Variants in WWOX observed in about 807,000 individuals in gnomAD.
WWOX encodes the protein WW domain-containing oxidoreductase.
In WWOX, 69 loss-of-function variants were observed where a neutral mutation model predicts 46.2. That is an observed-to-expected ratio of 1.49 (90% confidence interval 1.23 to 1.82). WWOX has a LOEUF of 1.82. WWOX is among the 40% of genes most tolerant of loss of function. WWOX has a pLI of 0.00. For synonymous variants in WWOX, 359 were observed against 202.6 expected (o/e 1.77, Z -6.56); for missense variants, 919 against 542.6 (o/e 1.69, Z -6.89).
chr16:78,628,745 T>A (rs1314583818), intron 8 of WWOX, among the ~76,000 whole-genome samples: 1 of 152,172 alleles, frequency 6.6e-6, no homozygotes, highest in Non-Finnish European at 1.5e-5. Flanking sequence ...AATTTCTTGC[T>A]TTCAAATGAA....
Position 78,571,676 on chromosome 16 carries a change from C to G in WWOX, c.1056+138924C>G, listed in dbSNP as rs573131456. Among the ~76,000 whole-genome samples the G allele has an allele frequency of 1.2e-3, 183 of 152,246 alleles. 2 individuals carry two copies. Among genetic ancestry groups the G allele is most frequent in the African/African-American group, 4.2e-3 (173 of 41,538 alleles). ...TTGAGGTCAGAAGCTCCAGACCAGC[C>G]TGGCCAACATGGTGAAACCCCTTCT... On this transcript the variant is annotated intron_variant, in intron 8 of 8. Transcript: ENST00000566780.
chr16:79,132,505 T>C (rs1055523237), intron 8 of WWOX, among the ~76,000 whole-genome samples: 13 of 152,254 alleles, frequency 8.5e-5, no homozygotes, highest in Middle Eastern at 6.8e-3. Context: ...TTTCAGATGA[T>C]TGGGAGGTAG....
intron 7 of WWOX, among the ~76,000 whole-genome samples, chr16:78,426,422 G>A (rs1300919126): frequency 1.3e-5 from 2 of 152,144 alleles, no homozygotes; most frequent in Non-Finnish European, 2.9e-5. Context: ...TATCTCAAAT[G>A]GTATTTCGTG....
At chr16:78,390,762 C>T (rs1421412001) in intron 6 of WWOX, among the ~76,000 whole-genome samples, 1 of 152,156 alleles carries the variant, frequency 6.6e-6, no homozygotes, top group Admixed American at 6.5e-5. Context: ...CACCCCCCAT[C>T]TTCAGACATT....
At chr16:78,647,105 A>C (rs530486629) in intron 8 of WWOX, among the ~76,000 whole-genome samples, 226 of 152,224 alleles carry the variant, frequency 1.5e-3, no homozygotes, top group African/African-American at 5.2e-3. Flanking sequence ...GAGGATGTGA[A>C]ACTGCCCAGT....
chr16:78,651,651 C>G (rs936378313), intron 8 of WWOX, among the ~76,000 whole-genome samples: 48 of 152,200 alleles, frequency 3.2e-4, no homozygotes, highest in Admixed American at 1.3e-4. Context: ...TGTCCCCAGG[C>G]CATGACCACT....
At chr16:78,839,984 C>T (rs768164788) in intron 8 of WWOX, among the ~76,000 whole-genome samples, 1 of 152,148 alleles carries the variant, frequency 6.6e-6, no homozygotes, top group Admixed American at 6.5e-5. Context: ...TTTTCCTGAT[C>T]CTCCATTCCC....
intron 8 of WWOX, among the ~76,000 whole-genome samples, chr16:78,690,503 G>T (rs1215319736): frequency 6.6e-6 from 1 of 152,148 alleles, no homozygotes; most frequent in Non-Finnish European, 1.5e-5. Context: ...AGTGGGCCAT[G>T]ATCGTGACAC....
At chr16:79,200,079 G>C (rs1375743141) in intron 8 of WWOX, among the ~76,000 whole-genome samples, 1 of 152,194 alleles carries the variant, frequency 6.6e-6, no homozygotes, top group Non-Finnish European at 1.5e-5. Context: ...CCAGCCTTCA[G>C]GACCTCCTTT....
chr16:78,992,937 A>G (rs1291501140), intron 8 of WWOX, among the ~76,000 whole-genome samples: 1 of 101,896 alleles, frequency 9.8e-6, no homozygotes, highest in Non-Finnish European at 2.0e-5. Context: ...TTTTGCCTCC[A>G]TTAGAGTCTC....
intron 5 of WWOX, among the ~76,000 whole-genome samples, chr16:78,313,079 C>A (rs923724329): frequency 1.3e-5 from 2 of 152,210 alleles, no homozygotes; most frequent in Non-Finnish European, 2.9e-5. Context: ...TTTTCAACAT[C>A]TGAGTACCTA....
At chr16:78,804,167 G>A (rs556538811) in intron 8 of WWOX, among the ~76,000 whole-genome samples, 1 of 152,062 alleles carries the variant, frequency 6.6e-6, no homozygotes, top group Non-Finnish European at 1.5e-5. Flanking sequence ...TTTAATAAGG[G>A]CTGGGGGTCC....
chr16:78,337,780 T>C (rs1429563222), intron 5 of WWOX, among the ~76,000 whole-genome samples: 1 of 56,162 alleles, frequency 1.8e-5, no homozygotes, highest in African/African-American at 5.1e-5. Flanking sequence ...CCAGCAATTA[T>C]AATTGAATCT....
chr16:79,144,924 T>C (rs2050156861), intron 8 of WWOX, among the ~76,000 whole-genome samples: 1 of 152,198 alleles, frequency 6.6e-6, no homozygotes, highest in Admixed American at 6.5e-5. Context: ...TGTAGGTATG[T>C]ATGTATAGGA....
At chr16:78,480,283 T>C (rs574669932) in intron 8 of WWOX, among the ~76,000 whole-genome samples, 24 of 152,368 alleles carry the variant, frequency 1.6e-4, no homozygotes, top group Admixed American at 1.3e-3. Flanking sequence ...GAATGCTCTT[T>C]TGGATACATC....
At chr16:79,008,925 C>T (rs377108931) in intron 8 of WWOX, among the ~76,000 whole-genome samples, 1 of 152,230 alleles carries the variant, frequency 6.6e-6, no homozygotes, top group Non-Finnish European at 1.5e-5. Flanking sequence ...AAAATGTCTC[C>T]ACCCTTCTAA....
At chr16:79,193,913 C>A (rs1375218004) in intron 8 of WWOX, among the ~76,000 whole-genome samples, 1 of 152,176 alleles carries the variant, frequency 6.6e-6, no homozygotes, top group Non-Finnish European at 1.5e-5. Context: ...ACAACATGGC[C>A]TTTGGAGTCA....
intron 8 of WWOX, among the ~76,000 whole-genome samples, chr16:79,150,978 C>T (rs183329704): frequency 2.0e-4 from 30 of 152,328 alleles, no homozygotes; most frequent in Middle Eastern, 3.4e-3. Flanking sequence ...TCATTTCTCC[C>T]TGATTTGAGG....
At chr16:78,564,463 A>G (rs1367752441) in intron 8 of WWOX, among the ~76,000 whole-genome samples, 1 of 152,190 alleles carries the variant, frequency 6.6e-6, no homozygotes, top group Non-Finnish European at 1.5e-5. Context: ...GAAATTGAAG[A>G]TCCTTGAAAA....
Sources: allele counts gnomAD v4.1 joint callset (sites outside exome capture counted in the v4.1 genomes callset), GRCh38; gene constraint gnomAD v4.1.1; transcripts MANE v1.5; gene names NCBI Gene and HGNC (gene_info 2026-07-23, HGNC 2026-07-21).